MEGF9: variants seen among roughly 807,000 people sequenced by gnomAD.
MEGF9 encodes the protein multiple EGF like domains 9.
A neutral mutation model predicts 46.8 loss-of-function variants in MEGF9; 6 were observed. That is an observed-to-expected ratio of 0.13 (90% CI 0.07 to 0.25). MEGF9 has a LOEUF of 0.25. Ranked by LOEUF, MEGF9 falls within the 10% of genes least tolerant of loss-of-function variation. MEGF9 has a pLI of 1.00. For synonymous variants in MEGF9, 302 were observed against 330.7 expected (o/e 0.91, Z 0.94); for missense variants, 683 against 792.4 (o/e 0.86, Z 1.66).
chr9:120,711,844 T>TACACACACACACACACACACAC (rs924373123), intron 1 of MEGF9, among the ~76,000 whole-genome samples: 1 of 143,472 alleles, frequency 7.0e-6, no homozygotes, highest in African/African-American at 2.6e-5. Flanking sequence ...CATACATACA[T>TACACACACACACACACACACAC]ACACACACAC....
chr9:120,688,112 G>A (rs1216842131), intron 1 of MEGF9, among the ~76,000 whole-genome samples: 3 of 147,636 alleles, frequency 2.0e-5, no homozygotes, highest in African/African-American at 7.5e-5. Context: ...ATCTCTGAAT[G>A]CATCATCTCC....
At chr9:120,674,895 T>TC (rs397936569) in intron 1 of MEGF9, among the ~76,000 whole-genome samples, 1 of 151,048 alleles carries the variant, frequency 6.6e-6, no homozygotes, top group Non-Finnish European at 1.5e-5. Flanking sequence ...TTTTTTTTTT[T>TC]CGAGACGGAG....
At chr9:120,658,814 T>A (rs572735186) in intron 2 of MEGF9, among the ~76,000 whole-genome samples, 2 of 152,302 alleles carry the variant, frequency 1.3e-5, no homozygotes, top group African/African-American at 4.8e-5. Flanking sequence ...CCAAATAACA[T>A]AATAGTTTAA....
chr9:120,677,924 AC>A (rs2132331340), intron 1 of MEGF9, among the ~76,000 whole-genome samples: 1 of 151,912 alleles, frequency 6.6e-6, no homozygotes, highest in South Asian at 2.1e-4. Flanking sequence ...CTTCCATGCA[AC>A]CCCCGACTAC....
intron 1 of MEGF9, among the ~76,000 whole-genome samples, chr9:120,665,887 T>C (rs535057686): frequency 2.6e-5 from 4 of 152,368 alleles, no homozygotes; most frequent in East Asian, 1.9e-4. Flanking sequence ...GGCACCTTTA[T>C]TGAAAATCAA....
chr9:120,648,995 T>C (rs1473447554), intron 2 of MEGF9, among the ~76,000 whole-genome samples: 1 of 152,236 alleles, frequency 6.6e-6, no homozygotes, highest in Non-Finnish European at 1.5e-5. Context: ...CTTCCCACCA[T>C]ACCGAAGTCT....
At chr9:120,622,416 ACT>A (rs1491559475) in intron 3 of MEGF9, among the ~76,000 whole-genome samples, 198 bp downstream of exon 3, 3 of 36,038 alleles carry the variant, frequency 8.3e-5, no homozygotes, top group Non-Finnish European at 2.3e-4. Context: ...TAGGTATATG[ACT>A]TTTTTTTTTT....
rs2043395519 is a variant in MEGF9 at position 120,601,434 on chromosome 9, A to C, written c.*3756T>G. 1 of 152,254 alleles carries C rather than the reference A, an allele frequency of 6.6e-6. No homozygotes were observed. Among genetic ancestry groups the C allele is most frequent in the Non-Finnish European group, 1.5e-5 (1 of 68,046 alleles). 9.4% of individuals were successfully genotyped at this position (152,254 alleles called of 1,614,324 possible). On this transcript the variant is annotated 3_prime_UTR_variant, in exon 6 of 6. Coordinates refer to ENST00000373930, the MANE Select transcript of MEGF9 (RefSeq NM_001080497.3). ...ATTGTTGCTTTAGTTTTCTACTCCC[A>C]AAACAGCACTTAAAGGGTTAAATAT... is the stretch of plus-strand genomic sequence containing the variant.
Position 120,613,195 on chromosome 9 carries a change from C to T in MEGF9, c.944-656G>A, listed in dbSNP as rs569268904. 1.5e-4 allele frequency among the ~76,000 whole-genome samples: 23 copies of T among 152,182 alleles called. 1 individual carries two copies. The South Asian group carries it at 4.6e-3, about 30-fold the overall frequency. On this transcript the variant is annotated intron_variant, in intron 3 of 5. Transcript: ENST00000373930. ...AAAGCAAATTGGGGAATAACACATA[C>T]AGAAAGAGAATACTTATTAAAATTT...
intron 2 of MEGF9, among the ~76,000 whole-genome samples, chr9:120,626,223 C>G (rs370774681): frequency 1.8e-4 from 28 of 151,906 alleles, no homozygotes; most frequent in Admixed American, 5.9e-4. Flanking sequence ...AGTAAAGTAC[C>G]AAGATAGCAC....
chr9:120,682,519 A>C (rs2043802902), intron 1 of MEGF9, among the ~76,000 whole-genome samples: 1 of 152,206 alleles, frequency 6.6e-6, no homozygotes, highest in South Asian at 2.1e-4. Context: ...TATTCAAAAA[A>C]GGGAAGGTTG....
chr9:120,611,296 A>G (rs2043443720), intron 4 of MEGF9, among the ~76,000 whole-genome samples: 1 of 152,216 alleles, frequency 6.6e-6, no homozygotes, highest in Admixed American at 6.5e-5. Flanking sequence ...CATGTATACA[A>G]ATGTTCACAG....
At chr9:120,711,417 A>T (rs1419537183) in intron 1 of MEGF9, among the ~76,000 whole-genome samples, 2 of 152,238 alleles carry the variant, frequency 1.3e-5, no homozygotes. Flanking sequence ...TTGATTTTTT[A>T]AAATCTATTT....
chr9:120,628,362 T>C (rs2043534916), intron 2 of MEGF9, among the ~76,000 whole-genome samples: 1 of 151,914 alleles, frequency 6.6e-6, no homozygotes, highest in Non-Finnish European at 1.5e-5. Flanking sequence ...AGCTTTATTG[T>C]TGAAAACATT....
intron 1 of MEGF9, among the ~76,000 whole-genome samples, chr9:120,710,101 G>T (rs1395100936): frequency 6.7e-6 from 1 of 150,370 alleles, no homozygotes; most frequent in Non-Finnish European, 1.5e-5. Context: ...TATTACCTCT[G>T]GTATCACAGC....
At chr9:120,634,179 G>A (rs551099179) in intron 2 of MEGF9, among the ~76,000 whole-genome samples, 39 of 152,116 alleles carry the variant, frequency 2.6e-4, no homozygotes, top group Non-Finnish European at 4.1e-4. Context: ...ATGTTGAGAC[G>A]TTAGATATTG....
At chr9:120,641,875 C>T (rs1214586067) in intron 2 of MEGF9, among the ~76,000 whole-genome samples, 2 of 152,144 alleles carry the variant, frequency 1.3e-5, no homozygotes, top group South Asian at 2.1e-4. Context: ...TCAACCTCAG[C>T]GGTCTGTCAA....
Position 120,605,028 on chromosome 9 carries a change from C to T in MEGF9, c.*162G>A. 1 of 655,992 alleles carries T rather than the reference C, an allele frequency of 1.5e-6. No homozygotes were observed. Among genetic ancestry groups the T allele is most frequent in the Non-Finnish European group, 2.6e-6 (1 of 389,040 alleles). The allele number at this position is 655,992 out of a possible 1,614,324, so 40.6% of individuals were successfully genotyped here. A position where few individuals can be genotyped will look rare whatever the true frequency, so the allele number is the denominator to read the frequency against. On this transcript the variant is annotated 3_prime_UTR_variant, in exon 6 of 6. Transcript: ENST00000373930. This position sits in a 1 kb window ranked among gnomAD's most constrained non-coding sequence, Gnocchi z 4.0. ...CAGATCTTCATGGGAAAACTAAGAGCAATAGATAGGCTAAGCGCATTACAA... is the reference window on the plus strand; with the variant it reads ...CAGATCTTCATGGGAAAACTAAGAGTAATAGATAGGCTAAGCGCATTACAA...
At chr9:120,610,610 T>C (rs1453908550) in intron 4 of MEGF9, among the ~76,000 whole-genome samples, 1 of 152,172 alleles carries the variant, frequency 6.6e-6, no homozygotes, top group Non-Finnish European at 1.5e-5. Flanking sequence ...TGTCACATCC[T>C]CTCTGAAGCC....
Sources: gnomAD v4.1 joint callset for allele counts (sites outside exome capture counted in the v4.1 genomes callset) on GRCh38, gnomAD v4.1.1 for gene constraint, Gnocchi (gnomAD v3.1) non-coding constraint, MANE v1.5 for transcripts, NCBI Gene and HGNC (gene_info 2026-07-23, HGNC 2026-07-21) for gene names.